Variants in GOLGA3 observed in about 807,000 individuals in gnomAD.
The protein encoded by GOLGA3 is golgin A3, also known as golgin subfamily A member 3.
GOLGA3 carries 75 observed loss-of-function variants against 169.4 expected under a neutral mutation model. That is an observed-to-expected ratio of 0.44 (90% confidence interval 0.37 to 0.54). The LOEUF is 0.54. Ranked by LOEUF, GOLGA3 falls within the 20% of genes least tolerant of loss-of-function variation. The pLI, the probability that GOLGA3 is intolerant of heterozygous loss-of-function variation, is 0.00. For synonymous variants in GOLGA3, 824 were observed against 822.4 expected, an observed-to-expected ratio of 1.00 and a Z score of -0.03; for missense variants, 1,899 against 1,930.0, an observed-to-expected ratio of 0.98 and a Z score of 0.30.
At chr12:132,781,513 G>A (rs977931729) in intron 17 of GOLGA3, among the ~76,000 whole-genome samples, 1 of 152,112 alleles carries the variant, frequency 6.6e-6, no homozygotes, top group Non-Finnish European at 1.5e-5. Context: ...TCGTGCCACT[G>A]CACTCCAGCC....
In GOLGA3 at chr12:132,784,138, C is replaced by T. The variant is rs116793665; in HGVS notation, c.3267+26G>A. The T allele has an allele frequency of 8.4e-4, 1,344 of 1,603,488 alleles. 7 individuals are homozygous for T. In the African/African-American group the frequency reaches 0.015, roughly 18 times the overall value. On this transcript the variant is annotated intron_variant, in intron 16 of 23. Coordinates refer to ENST00000450791, the MANE Select transcript of GOLGA3 (RefSeq NM_001389683.1). Reference sequence around the variant, plus strand: ...GCTCACGTGACCTGCCCCACGCTGCCGCCACAGCAGATGGCCAGGCCTCAC... The same window carrying T: ...GCTCACGTGACCTGCCCCACGCTGCTGCCACAGCAGATGGCCAGGCCTCAC...
Position 132,801,897 on chromosome 12 carries a change from A to G in GOLGA3, c.1670T>C (p.Leu557Pro). 2 of 1,603,052 alleles carry G rather than the reference A, an allele frequency of 1.2e-6. No individual in the cohort carries two copies. The highest frequency in any genetic ancestry group is 1.7e-6 in the Non-Finnish European group (2 of 1,179,912). Residue 557 changes from leucine (L) to proline (P), a missense_variant, in exon 8 of 24, where the codon CTG (leucine) becomes CCG (proline). Coordinates refer to ENST00000450791, the MANE Select transcript of GOLGA3 (RefSeq NM_001389683.1). Reference protein sequence around the residue: ...LQQVQLERTTLTSKLKASQAE... With the variant: ...LQQVQLERTTPTSKLKASQAE... ...CTGCGACGCCTTCAGCTTGCTGGTC[A>G]GCGTCGTCCGCTCCAGCTGCACCTG...
Position 132,773,184 on chromosome 12 carries a change from G to T in GOLGA3, c.4418C>A (p.Pro1473Gln). 1 of 1,585,598 alleles carries T rather than the reference G, an allele frequency of 6.3e-7. No individual in the cohort carries two copies. The highest frequency in any genetic ancestry group is 2.3e-5 in the East Asian group (1 of 43,456). ...LEPATASPVPPGGHAGPRGDP... is the reference protein window; with the variant it reads ...LEPATASPVPQGGHAGPRGDP... The stretch of plus-strand genomic sequence containing the variant: ...GCCGCGTGGGCCGGCGTGACCCCCC[G>T]GGGGCACAGGGCTGGCAGTGGCTGG... Residue 1473 changes from proline (P) to glutamine (Q), a missense_variant, in exon 24 of 24, where the codon CCG becomes CAG. Pro to Gln is a moderately conservative substitution (Grantham distance 76, BLOSUM62 -1). Coordinates refer to ENST00000450791, the MANE Select transcript of GOLGA3 (RefSeq NM_001389683.1).
chr12:132,806,566 G>A (rs1949415433), intron 6 of GOLGA3, among the ~76,000 whole-genome samples: 1 of 152,236 alleles, frequency 6.6e-6, no homozygotes, highest in Non-Finnish European at 1.5e-5. Context: ...CGGCCTCGCA[G>A]GCCACAGGAG....
In GOLGA3 at chr12:132,782,461, T is replaced by C; in HGVS notation, c.3300A>G (p.Ile1100Met). 6.2e-7 allele frequency: 1 copy of C among 1,614,114 alleles called. No individual in the cohort carries two copies. Among genetic ancestry groups the C allele is most frequent in the Non-Finnish European group, 8.5e-7 (1 of 1,179,906 alleles). Residue 1100 changes from isoleucine (I) to methionine (M), a missense_variant, in exon 17 of 24, where the codon ATA becomes ATG. By Grantham distance (10) the Ile-to-Met change is conservative. Coordinates refer to ENST00000450791, the MANE Select transcript of GOLGA3 (RefSeq NM_001389683.1). ...LQESRGFRKKIKRLEESNKKL... is the reference protein window; with the variant it reads ...LQESRGFRKKMKRLEESNKKL... ...TCTTGTTTGACTCCTCAAGGCGTTT[T>C]ATCTTCTTCCTAAAGCCTCTGGATT...
intron 15 of GOLGA3, among the ~76,000 whole-genome samples, chr12:132,785,686 G>A (rs760318951): frequency 1.3e-5 from 2 of 152,220 alleles, no homozygotes; most frequent in Non-Finnish European, 2.9e-5. Context: ...GTGGACAGGA[G>A]ATAGAAACAA....
At chr12:132,797,867 T>TA (rs1303995499) in intron 9 of GOLGA3, among the ~76,000 whole-genome samples, 2 of 152,168 alleles carry the variant, frequency 1.3e-5, no homozygotes, top group Non-Finnish European at 2.9e-5. Context: ...GCTGGAGGGT[T>TA]AAATGGCAAT....
At chr12:132,819,363 A>G (rs1371182749) in intron 2 of GOLGA3, among the ~76,000 whole-genome samples, 4 of 152,088 alleles carry the variant, frequency 2.6e-5, no homozygotes, top group Admixed American at 2.6e-4. Flanking sequence ...CCCCGTCTCT[A>G]CTAAAAATAC....
chr12:132,825,237 C>A (rs865818140), intron 1 of GOLGA3, among the ~76,000 whole-genome samples: 1 of 151,880 alleles, frequency 6.6e-6, no homozygotes, highest in African/African-American at 2.4e-5. Context: ...GTAAAGGAAC[C>A]GACGGTGTGT....
chr12:132,802,386 G>GGGGTGCAGGGGGCACA (rs1949170921), intron 7 of GOLGA3, among the ~76,000 whole-genome samples: 1 of 98,072 alleles, frequency 1.0e-5, no homozygotes, highest in Non-Finnish European at 2.6e-5. Flanking sequence ...AGGGGGCATG[G>GGGGTGCAGGGGGCACA]GGGGTGCAGG....
intron 2 of GOLGA3, among the ~76,000 whole-genome samples, chr12:132,818,795 C>T (rs1950094276): frequency 6.6e-6 from 1 of 152,046 alleles, no homozygotes; most frequent in African/African-American, 2.4e-5. Context: ...ATGATGTCAT[C>T]ACACCACCCG....
chr12:132,822,748 C>A (rs1950268111), intron 1 of GOLGA3, among the ~76,000 whole-genome samples: 1 of 152,122 alleles, frequency 6.6e-6, no homozygotes, highest in Non-Finnish European at 1.5e-5. Flanking sequence ...TGGTGAAACC[C>A]CCACCTCTAC....
At chr12:132,826,239 CCA>C in intron 1 of GOLGA3, 5 of 983,206 alleles carry the variant, frequency 5.1e-6, no homozygotes, top group African/African-American at 1.8e-5. Flanking sequence ...TTCTCATTCT[CCA>C]AAAAAAAAAA....
At chr12:132,795,814 G>A in intron 11 of GOLGA3, 38 bp downstream of exon 11, 16 of 1,576,030 alleles carry the variant, frequency 1.0e-5, no homozygotes, top group Non-Finnish European at 1.4e-5. Flanking sequence ...CTGCAAGGAG[G>A]GTTCTGATTC....
At chr12:132,810,521 T>C (rs1334190593) in intron 4 of GOLGA3, among the ~76,000 whole-genome samples, 2 of 152,174 alleles carry the variant, frequency 1.3e-5, no homozygotes, top group African/African-American at 4.8e-5. Context: ...TCCAATATTA[T>C]AATAATCCTC....
At chr12:132,798,310 A>G in intron 9 of GOLGA3, 30 bp downstream of exon 9, 1 of 1,586,622 alleles carries the variant, frequency 6.3e-7, no homozygotes, top group Non-Finnish European at 8.5e-7. Context: ...CTGTTCTCCT[A>G]AGCTTCCACG....
At chr12:132,776,130 C>T (rs556877132) in intron 21 of GOLGA3, among the ~76,000 whole-genome samples, 5 of 91,410 alleles carry the variant, frequency 5.5e-5, no homozygotes, top group African/African-American at 1.5e-4. Flanking sequence ...GTGGTGCTCC[C>T]GCCTGTGTCC....
chr12:132,806,253 G>C (rs748340798), intron 6 of GOLGA3, among the ~76,000 whole-genome samples: 3 of 152,206 alleles, frequency 2.0e-5, no homozygotes, highest in Non-Finnish European at 4.4e-5. Flanking sequence ...GTGATCCTAA[G>C]AGGATAAGAA....
Position 132,808,466 on chromosome 12 carries a change from G to A in GOLGA3, c.603C>T (p.Ala201=), listed in dbSNP as rs114156942. 110 of 1,614,070 alleles carry A rather than the reference G, an allele frequency of 6.8e-5. No homozygotes were observed. The African/African-American group carries it at 1.4e-3, about 21-fold the overall frequency. Reference sequence around the variant, plus strand: ...ATTCTTTTGTCATAGCCAGGGTACTGGCCCTTGGTAAGTTTTCTGGGTTTA... The same window carrying A: ...ATTCTTTTGTCATAGCCAGGGTACTAGCCCTTGGTAAGTTTTCTGGGTTTA... The part of the protein sequence containing the change: ...LMLNPENLPR[A]STLAMTKEYS... The change falls in exon 5 of 24, where the codon GCC becomes GCT. Residue 201 remains alanine (A), a synonymous_variant. Coordinates refer to ENST00000450791, the MANE Select transcript of GOLGA3 (RefSeq NM_001389683.1).
Sources: allele counts gnomAD v4.1 joint callset (sites outside exome capture counted in the v4.1 genomes callset), GRCh38; gene constraint gnomAD v4.1.1; transcripts MANE v1.5; gene names NCBI Gene and HGNC (gene_info 2026-07-23, HGNC 2026-07-21).